DUS3L: variants seen among roughly 807,000 people sequenced by gnomAD.
DUS3L encodes dihydrouridine synthase 3 like.
DUS3L carries 62 observed loss-of-function variants against 74.6 expected under a neutral mutation model. That is an observed-to-expected ratio of 0.83 (90% CI 0.68 to 1.03). The LOEUF (loss-of-function observed/expected upper bound fraction) is 1.03. Among genes scored for constraint, DUS3L ranks in the 50% least tolerant of loss-of-function variants. DUS3L has a pLI of 0.00. For missense variants in DUS3L, 884 were observed against 924.4 expected (o/e 0.96, Z 0.57); for synonymous variants, 433 against 395.7 (o/e 1.09, Z -1.12).
chr19:5,787,627 T>C lies in DUS3L; in HGVS notation c.1174A>G (p.Ile392Val), dbSNP rs768968397. The C allele has an allele frequency of 5.4e-5, 87 of 1,613,732 alleles. No homozygotes were observed. Among genetic ancestry groups the C allele is most frequent in the Non-Finnish European group, 7.0e-5 (83 of 1,179,990 alleles). ...SRTVEVDFVD[I>V]NVGCPIDLVY... Reference sequence around the variant, plus strand: ...AGGTCGATGGGGCAGCCGACGTTGATGTCCACAAAGTCCACCTCCACGGTG... The same window carrying C: ...AGGTCGATGGGGCAGCCGACGTTGACGTCCACAAAGTCCACCTCCACGGTG... The change falls in exon 6 of 13, where the codon ATC becomes GTC. Residue 392 changes from isoleucine (I) to valine (V), a missense_variant. Transcript: ENST00000309061.
rs774773011 is a variant in DUS3L, at chr19:5,789,243, C to T, written c.864G>A (p.Glu288=). ...CACAGGGCCGCAGCCTGACCACGTC[C>T]TCATCCGTCAGGGGCCCGCAGGTCC... ...PVRTCGPLTD[E]DVVRLRPCEK... Residue 288 remains glutamate (E), a synonymous_variant, in exon 3 of 13, where the codon GAG becomes GAA. Coordinates refer to ENST00000309061, the MANE Select transcript of DUS3L (RefSeq NM_020175.3). 5.7e-6 allele frequency: 9 copies of T among 1,565,442 alleles called. No individual in the cohort carries two copies. Among genetic ancestry groups the T allele is most frequent in the Non-Finnish European group, 7.8e-6 (9 of 1,159,108 alleles).
intron 12 of DUS3L, 52 bp from the exon 13 acceptor site, chr19:5,785,327 C>T: frequency 3.1e-6 from 5 of 1,608,674 alleles, no homozygotes; most frequent in Non-Finnish European, 4.2e-6. Context: ...TGCAAAGTAC[C>T]CTCCGTGACC....
intron 6 of DUS3L, 47 bp downstream of exon 6, chr19:5,787,542 C>A: frequency 5.0e-6 from 8 of 1,598,372 alleles, no homozygotes; most frequent in Non-Finnish European, 6.8e-6. Flanking sequence ...GGGTCAGTGC[C>A]TCCCTGCCCA....
chr19:5,785,885 G>T, intron 10 of DUS3L, 94 bp from the exon 11 acceptor site: 1 of 1,374,950 alleles, frequency 7.3e-7, no homozygotes, highest in South Asian at 1.5e-5. Context: ...CCGGAGCCCA[G>T]ACCACAAAAC....
intron 5 of DUS3L, 88 bp downstream of exon 5, chr19:5,787,936 G>C: frequency 6.4e-7 from 1 of 1,560,848 alleles, no homozygotes; most frequent in Non-Finnish European, 8.6e-7. Flanking sequence ...GGGGGTCAGG[G>C]AGGCAACCAG....
rs1308230027 is a variant in DUS3L, at chr19:5,789,348, G to T, written c.759C>A (p.Gly253=). The change falls in exon 3 of 13, where the codon GGC becomes GGA. Residue 253 remains glycine (G), a synonymous_variant. Coordinates refer to ENST00000309061, the MANE Select transcript of DUS3L (RefSeq NM_020175.3). ...CACCACAGTTTTCCTGCCTGGGAGC[G>T]CCCTCGGCTGCCGTGCCCTCGGGGA... The part of the protein sequence containing the change: ...AAVPEGTAAE[G]APRQENCGAQ... 1.3e-6 allele frequency: 2 copies of T among 1,597,474 alleles called. No homozygotes were observed. Among genetic ancestry groups the T allele is most frequent in the Admixed American group, 1.7e-5 (1 of 57,438 alleles).
intron 8 of DUS3L, 86 bp downstream of exon 8, chr19:5,786,975 A>G: frequency 6.7e-7 from 1 of 1,486,194 alleles, no homozygotes; most frequent in Non-Finnish European, 8.9e-7. Flanking sequence ...GGAGGTGAAG[A>G]GGGAGGGATG....
In DUS3L at chr19:5,790,984, G is replaced by A; in HGVS notation, c.98+60C>T. 2.0e-6 allele frequency: 3 copies of A among 1,505,200 alleles called. No homozygotes were observed. In the South Asian group the frequency reaches 3.6e-5, roughly 18 times the overall value. The allele number at this position is 1,505,200 out of a possible 1,614,324, so 93.2% of individuals were successfully genotyped here. On this transcript the variant is annotated intron_variant, in intron 1 of 12. Transcript: ENST00000309061. ...CCTAATCTCCCGGCATGCACAGCTC[G>A]GACCGCGCTATGGGTGCCGGAAAAG...
At position 5,785,636 on chromosome 19, in the gene DUS3L, C is replaced by T. The variant is rs925808504; in HGVS notation, c.1718G>A (p.Arg573His). 14 of 1,610,852 alleles carry T rather than the reference C, an allele frequency of 8.7e-6. No homozygotes were observed. Among genetic ancestry groups the T allele is most frequent in the Admixed American group, 6.7e-5 (4 of 59,664 alleles). ...GAAGGACAGCCACTCGAGCAGAAAG[C>T]GCCGGGTCTTCTCCACGCCCTGCGT... is the stretch of plus-strand genomic sequence containing the variant. ...SDTQGVEKTR[R>H]FLLEWLSFLC... is the part of the protein sequence containing the mutation. Residue 573 changes from arginine (R) to histidine (H), a missense_variant, in exon 11 of 13, where the codon CGC becomes CAC. Physicochemically the swap from Arg to His is conservative, Grantham distance 29 (BLOSUM62 0). Transcript: ENST00000309061.
In DUS3L at chr19:5,785,773, C is replaced by T. The variant is rs540288167; in HGVS notation, c.1581G>A (p.Pro527=). 562 of 1,604,220 alleles carry T rather than the reference C, an allele frequency of 3.5e-4. 6 individuals carry two copies. In the South Asian group the frequency reaches 5.7e-3, roughly 16 times the overall value. The change falls in exon 11 of 13, where the codon CCG becomes CCA. Residue 527 remains proline (P), a synonymous_variant. Transcript: ENST00000309061. ...GCTCCTTGATCTCCGTGAAGAGCCA[C>T]GGCTTGAGCAGGGCGCCACTGTGGG... ...IMIARGALLK[P]WLFTEIKEQR...
rs1341016869 is a variant in DUS3L, at chr19:5,787,071, G to C, written c.1379C>G (p.Ala460Gly). ...LLPELRDWGV[A>G]LVTLHGRSRE... ...CGTCCCAAGACCCACCGTGACGAGT[G>C]CCACGCCCCAGTCCCGCAGCTCGGG... is the stretch of plus-strand genomic sequence containing the variant. Residue 460 changes from alanine to glycine, a missense_variant, in exon 8 of 13, where the codon GCA (alanine) becomes GGA (glycine). Coordinates refer to ENST00000309061, the MANE Select transcript of DUS3L (RefSeq NM_020175.3). 2.3e-5 allele frequency: 35 copies of C among 1,550,290 alleles called. No homozygotes were observed. The highest frequency in any genetic ancestry group is 2.9e-5 in the Non-Finnish European group (33 of 1,155,048).
Position 5,790,180 on chromosome 19 carries a change from C to T in DUS3L, c.254G>A (p.Gly85Glu), listed in dbSNP as rs2056896004. 1 of 1,614,022 alleles carries T rather than the reference C, an allele frequency of 6.2e-7. No homozygotes were observed. Among genetic ancestry groups the T allele is most frequent in the Non-Finnish European group, 8.5e-7 (1 of 1,180,044 alleles). The change falls in exon 2 of 13, where the codon GGG becomes GAG. Residue 85 changes from glycine (G) to glutamate (E), a missense_variant. Coordinates refer to ENST00000309061, the MANE Select transcript of DUS3L (RefSeq NM_020175.3). ...IRLEDGQTAD[G>E]QTEEAAEPGE... is the part of the protein sequence containing the mutation. ...GGGCTCTGCTGCCTCCTCCGTCTGC[C>T]CGTCCGCCGTCTGTCCATCCTCCAG...
At position 5,789,843 on chromosome 19, in the gene DUS3L, C is replaced by T. The variant is rs113869386; in HGVS notation, c.388-124G>A. ...GTCCCTGAGCAAGTCAGGCACCTCA[C>T]CGTGCCTCTGCATCTCCATTTATAC... On this transcript the variant is annotated intron_variant, in intron 2 of 12. Coordinates refer to ENST00000309061, the MANE Select transcript of DUS3L (RefSeq NM_020175.3). 3 of 1,350,548 alleles carry T rather than the reference C, an allele frequency of 2.2e-6. No individual in the cohort carries two copies. In the African/African-American group the frequency reaches 4.4e-5, roughly 20 times the overall value. 83.7% of individuals were successfully genotyped at this position (1,350,548 alleles called of 1,614,324 possible).
chr19:5,789,330 G>C lies in DUS3L; in HGVS notation c.777C>G (p.Asn259Lys). 1 of 1,605,698 alleles carries C rather than the reference G, an allele frequency of 6.2e-7. No individual in the cohort carries two copies. Among genetic ancestry groups the C allele is most frequent in the Non-Finnish European group, 8.5e-7 (1 of 1,176,650 alleles). ...CTGCGGGGACCTGCTGGGCACCACA[G>C]TTTTCCTGCCTGGGAGCGCCCTCGG... ...TAAEGAPRQENCGAQQVPAGP... is the reference protein window; with the variant it reads ...TAAEGAPRQEKCGAQQVPAGP... The change falls in exon 3 of 13, where the codon AAC becomes AAG. Residue 259 changes from asparagine to lysine, a missense_variant. Physicochemically the swap from Asn to Lys is moderately conservative, Grantham distance 94 (BLOSUM62 0). Transcript: ENST00000309061.
chr19:5,786,890 C>G lies in DUS3L; in HGVS notation c.1390-45G>C, dbSNP rs1128792. ...GCAGGGTAGGAGGCAGAGAGTGAGA[C>G]GCAGAGAGGAAGAGACCAAGAGAGC... On this transcript the variant is annotated intron_variant, in intron 8 of 12. Coordinates refer to ENST00000309061, the MANE Select transcript of DUS3L (RefSeq NM_020175.3). The G allele has an allele frequency of 3.8e-6, 6 of 1,562,136 alleles. No individual in the cohort carries two copies. The Admixed American group carries it at 5.8e-5, about 15-fold the overall frequency.
intron 1 of DUS3L, chr19:5,790,727 G>A: frequency 3.6e-6 from 2 of 551,382 alleles, no homozygotes; most frequent in Admixed American, 3.3e-5. Flanking sequence ...AGACCCGCCA[G>A]TAACGGCCGC....
rs2144726794 is a variant in DUS3L at position 5,785,695 on chromosome 19, G to A, written c.1659C>T (p.Phe553=). The change falls in exon 11 of 13, where the codon TTC becomes TTT. Residue 553 remains phenylalanine, a synonymous_variant. Coordinates refer to ENST00000309061, the MANE Select transcript of DUS3L (RefSeq NM_020175.3). ...SSERLDILRD[F]TNYGLEHWGS... Reference sequence around the variant, plus strand: ...CCCAGTGCTCCAGGCCGTAGTTGGTGAAGTCCCGCAGGATGTCCAGGCGCT... The same window carrying A: ...CCCAGTGCTCCAGGCCGTAGTTGGTAAAGTCCCGCAGGATGTCCAGGCGCT... The A allele has an allele frequency of 6.2e-7, 1 of 1,612,612 alleles. No homozygotes were observed. The highest frequency in any genetic ancestry group is 8.5e-7 in the Non-Finnish European group (1 of 1,179,856).
intron 10 of DUS3L, 81 bp downstream of exon 10, chr19:5,786,386 C>G (rs2056842134): frequency 1.4e-6 from 2 of 1,408,350 alleles, no homozygotes; most frequent in East Asian, 2.3e-5. Context: ...CACCACAGAA[C>G]AGGGGTGGGT....
chr19:5,789,906 G>A lies in DUS3L; in HGVS notation c.387+141C>T, dbSNP rs2056892920. 1.2e-5 allele frequency: 16 copies of A among 1,328,726 alleles called. No individual in the cohort carries two copies. In the South Asian group the frequency reaches 2.0e-4, roughly 16 times the overall value. 82.3% of individuals were successfully genotyped at this position (1,328,726 alleles called of 1,614,324 possible). On this transcript the variant is annotated intron_variant, in intron 2 of 12. Coordinates refer to ENST00000309061, the MANE Select transcript of DUS3L (RefSeq NM_020175.3). ...GACAAGCCCTACAATGTATCCCGAG[G>A]AGAATGAAGACGGAATGGCATCAGA...
Sources: gnomAD v4.1 joint callset for allele counts on GRCh38, gnomAD v4.1.1 for gene constraint, MANE v1.5 for transcripts, NCBI Gene and HGNC (gene_info 2026-07-23, HGNC 2026-07-21) for gene names.